Variants in PCNX2 observed in about 807,000 individuals in gnomAD.
PCNX2 encodes the protein pecanex-like protein 2.
Under a neutral mutation model 223.8 loss-of-function variants are expected in PCNX2, and 168 were observed. The observed-to-expected ratio is 0.75, with a 90% CI of 0.66 to 0.85. The LOEUF (loss-of-function observed/expected upper bound fraction) is 0.85. Ranked by LOEUF, PCNX2 falls within the 40% of genes least tolerant of loss-of-function variation. PCNX2 has a pLI of 0.00. For synonymous variants in PCNX2, 1,006 were observed against 1,052.6 expected, an observed-to-expected ratio of 0.96 and a Z score of 0.86; for missense variants, 2,507 against 2,675.5, an observed-to-expected ratio of 0.94 and a Z score of 1.39.
At chr1:233,326,032 G>C in the PCNX2 span, among the ~76,000 whole-genome samples, 1 of 152,204 alleles carries the variant, frequency 6.6e-6, no homozygotes, top group African/African-American at 2.4e-5. Flanking sequence ...TATCAACATA[G>C]AGGCAAGACC....
At position 233,257,998 on chromosome 1, in the gene PCNX2, C is replaced by T. The variant is rs1270105808; in HGVS notation, c.1834+30G>A. The T allele has an allele frequency of 1.9e-6, 3 of 1,595,964 alleles. No individual in the cohort carries two copies. In the South Asian group the frequency reaches 3.4e-5, roughly 18 times the overall value. Reference sequence around the variant, plus strand: ...AAAGGTGTATTGCCTTCTATGTCATCATCAGAACGGAAATGACATGGAATC... The same window carrying T: ...AAAGGTGTATTGCCTTCTATGTCATTATCAGAACGGAAATGACATGGAATC... On this transcript the variant is annotated intron_variant, in intron 5 of 33. Transcript: ENST00000258229.
chr1:233,184,177 A>T (rs1186198652), intron 15 of PCNX2, among the ~76,000 whole-genome samples: 1 of 152,206 alleles, frequency 6.6e-6, no homozygotes, highest in Non-Finnish European at 1.5e-5. Flanking sequence ...CCCTGGAAGA[A>T]ATTCCTATGA....
chr1:233,143,391 A>G (rs941307886), intron 19 of PCNX2, among the ~76,000 whole-genome samples: 1 of 152,246 alleles, frequency 6.6e-6, no homozygotes, highest in African/African-American at 2.4e-5. Context: ...GAATGGAGCC[A>G]GACATTCTAC....
chr1:233,295,473 C>T lies in PCNX2; in HGVS notation c.6G>A (p.Val2=), dbSNP rs1050215176. Residue 2 remains valine (V), a synonymous_variant, in exon 1 of 34, where the codon GTG becomes GTA. Coordinates refer to ENST00000258229, the MANE Select transcript of PCNX2 (RefSeq NM_014801.4). This position sits in a 1 kb window ranked among gnomAD's most constrained non-coding sequence, Gnocchi z 4.1. Reference sequence around the variant, plus strand: ...GCCGGAGCAGCTGCAGCACCTGGGACACCATGCCGGCTGCGCCCCGGGGCT... The same window carrying T: ...GCCGGAGCAGCTGCAGCACCTGGGATACCATGCCGGCTGCGCCCCGGGGCT... M[V]SQVLQLLRQG... The T allele has an allele frequency of 1.4e-5, 22 of 1,548,156 alleles. No homozygotes were observed. The highest frequency in any genetic ancestry group is 1.9e-5 in the Non-Finnish European group (22 of 1,145,802).
intron 13 of PCNX2, among the ~76,000 whole-genome samples, chr1:233,201,150 G>A (rs1681087759): frequency 6.8e-6 from 1 of 146,550 alleles, no homozygotes; most frequent in Non-Finnish European, 1.5e-5. Flanking sequence ...AATTCACTAT[G>A]GAACAAAGTA....
intron 1 of PCNX2, among the ~76,000 whole-genome samples, chr1:233,278,283 T>C (rs1558419509): frequency 6.6e-6 from 1 of 152,154 alleles, no homozygotes; most frequent in Non-Finnish European, 1.5e-5. Context: ...TGTGCCTGCC[T>C]CAGGAGCCAA....
intron 22 of PCNX2, among the ~76,000 whole-genome samples, chr1:233,093,665 G>A (rs74626563): frequency 0.017 from 2,546 of 152,156 alleles, 29 homozygotes; most frequent in East Asian, 0.044. Flanking sequence ...CATGGGTACG[G>A]GGGAGAGGGT....
chr1:233,295,757 T>G (rs1219793697), upstream of PCNX2: 1 of 331,380 alleles, frequency 3.0e-6, no homozygotes, highest in Non-Finnish European at 5.4e-6. This position sits in a 1 kb window ranked among gnomAD's most constrained non-coding sequence, Gnocchi z 4.1. Context: ...CAGAGGCGGC[T>G]GCTCAGAGGT....
At chr1:233,173,711 C>G (rs1679295061) in intron 17 of PCNX2, among the ~76,000 whole-genome samples, 1 of 152,108 alleles carries the variant, frequency 6.6e-6, no homozygotes, top group African/African-American at 2.4e-5. Context: ...TCCACTTATT[C>G]AGAACATCAT....
intron 19 of PCNX2, among the ~76,000 whole-genome samples, chr1:233,144,825 T>C (rs896237465): frequency 6.6e-6 from 1 of 152,170 alleles, no homozygotes; most frequent in African/African-American, 2.4e-5. Flanking sequence ...TTCTCCCATT[T>C]TATGGTTAGA....
At chr1:233,222,753 A>G (rs1181464611) in intron 10 of PCNX2, among the ~76,000 whole-genome samples, 1 of 152,210 alleles carries the variant, frequency 6.6e-6, no homozygotes, top group Non-Finnish European at 1.5e-5. Flanking sequence ...GACGACTCCA[A>G]GATATTTAAG....
intron 8 of PCNX2, among the ~76,000 whole-genome samples, chr1:233,248,076 T>C (rs1659230336): frequency 6.6e-6 from 1 of 152,064 alleles, no homozygotes; most frequent in Admixed American, 6.6e-5. Context: ...AAGCTAGGGG[T>C]GACTAGGGCC....
chr1:233,101,308 G>A (rs1171009325), intron 21 of PCNX2, among the ~76,000 whole-genome samples: 2 of 152,190 alleles, frequency 1.3e-5, no homozygotes, highest in Non-Finnish European at 2.9e-5. Flanking sequence ...GGGAGGGGAA[G>A]CACCACTCTT....
intron 15 of PCNX2, among the ~76,000 whole-genome samples, chr1:233,190,026 T>C (rs1680329209): frequency 6.6e-6 from 1 of 152,180 alleles, no homozygotes; most frequent in Non-Finnish European, 1.5e-5. Context: ...CTAATTAATA[T>C]TCCAGAGGAC....
chr1:233,256,533 T>C (rs1572160866), intron 5 of PCNX2, among the ~76,000 whole-genome samples: 1 of 152,186 alleles, frequency 6.6e-6, no homozygotes, highest in Admixed American at 6.5e-5. Context: ...CAGTAGCCAA[T>C]AGCCACATGG....
intron 30 of PCNX2, among the ~76,000 whole-genome samples, chr1:232,999,799 A>C (rs1169823474): frequency 2.0e-5 from 3 of 152,216 alleles, no homozygotes; most frequent in Non-Finnish European, 4.4e-5. Flanking sequence ...CTCTTTTCAC[A>C]GTTAAGCCAG....
chr1:233,300,838 G>T, the PCNX2 span, among the ~76,000 whole-genome samples: 956 of 152,276 alleles, frequency 6.3e-3, 13 homozygotes, highest in African/African-American at 0.022. Flanking sequence ...CCTGCCCACT[G>T]AGACTAGTGA....
At chr1:233,019,274 T>C (rs559465177) in intron 26 of PCNX2, 2 of 880,548 alleles carry the variant, frequency 2.3e-6, no homozygotes, top group Admixed American at 6.2e-5. Context: ...CTCCACAGTC[T>C]ACCTGTCCCA....
chr1:233,041,357 C>A (rs576010289), intron 25 of PCNX2, among the ~76,000 whole-genome samples: 2 of 152,158 alleles, frequency 1.3e-5, no homozygotes, highest in Admixed American at 6.5e-5. Flanking sequence ...AAATCCGAAA[C>A]CTTTTGAGCA....
Sources: gnomAD v4.1 joint callset for allele counts (sites outside exome capture counted in the v4.1 genomes callset) on GRCh38, gnomAD v4.1.1 for gene constraint, Gnocchi (gnomAD v3.1) non-coding constraint, MANE v1.5 for transcripts, NCBI Gene and HGNC (gene_info 2026-07-23, HGNC 2026-07-21) for gene names.